The following PTPRD variants were observed in gnomAD, a reference collection of about 807,000 sequenced individuals.
The protein encoded by PTPRD is receptor-type tyrosine-protein phosphatase delta.
PTPRD carries 34 observed loss-of-function variants against 214.5 expected under a neutral mutation model. The observed-to-expected ratio is 0.16, with a 90% CI of 0.12 to 0.21. The LOEUF is 0.21. Among genes scored for constraint, PTPRD ranks in the 10% least tolerant of loss-of-function variants. PTPRD has a pLI of 1.00. For missense variants in PTPRD, 2,545 were observed against 2,398.7 expected, an observed-to-expected ratio of 1.06 and a Z score of -1.27; for synonymous variants, 1,128 against 845.7, an observed-to-expected ratio of 1.33 and a Z score of -5.79.
chr9:9,625,430 G>A (rs2095391540), intron 7 of PTPRD, among the ~76,000 whole-genome samples: 1 of 152,158 alleles, frequency 6.6e-6, no homozygotes, highest in African/African-American at 2.4e-5. Context: ...AATAGCACCA[G>A]CGTCTGGGAG....
chr9:9,079,893 A>G (rs2099756574), intron 10 of PTPRD, among the ~76,000 whole-genome samples: 1 of 152,020 alleles, frequency 6.6e-6, no homozygotes, highest in Non-Finnish European at 1.5e-5. Context: ...ATTGGTGATG[A>G]TGTGTTGCTG....
intron 3 of PTPRD, among the ~76,000 whole-genome samples, chr9:10,314,469 G>A (rs1333810547): frequency 6.6e-6 from 1 of 151,916 alleles, no homozygotes; most frequent in Non-Finnish European, 1.5e-5. Flanking sequence ...TCCTGAGTAG[G>A]CAGTGGACGA....
chr9:9,947,305 T>TTA (rs1398036436), intron 4 of PTPRD, among the ~76,000 whole-genome samples: 1,710 of 81,534 alleles, frequency 0.021, 112 homozygotes, highest in African/African-American at 0.092. Flanking sequence ...TATATATATT[T>TTA]TATATATATA....
At chr9:8,758,660 T>C (rs1344512830) in intron 11 of PTPRD, among the ~76,000 whole-genome samples, 1 of 152,150 alleles carries the variant, frequency 6.6e-6, no homozygotes, top group South Asian at 2.1e-4. Flanking sequence ...GACTTAATTG[T>C]CAATATTTAT....
In PTPRD at chr9:10,183,389, C is replaced by T. The variant is rs193148397; in HGVS notation, c.-544-149599G>A. Among the ~76,000 whole-genome samples, 54 of 152,130 alleles carry T rather than the reference C, an allele frequency of 3.5e-4. 1 individual carries two copies. The highest frequency in any genetic ancestry group is 3.5e-3 in the East Asian group (18 of 5,178). On this transcript the variant is annotated intron_variant, in intron 3 of 45. Coordinates refer to ENST00000381196, the MANE Select transcript of PTPRD (RefSeq NM_002839.4). ...ATCAATTTATATTTATAATCCTTTG[C>T]GCAAAGGAAGTGCTTAAGGAATGTA...
At chr9:10,390,335 T>C (rs2098032729) in intron 2 of PTPRD, among the ~76,000 whole-genome samples, 1 of 151,804 alleles carries the variant, frequency 6.6e-6, no homozygotes, top group South Asian at 2.1e-4. Context: ...ACAGACATAA[T>C]TTAAAATCCA....
rs149319750 is a variant in PTPRD at position 9,820,110 on chromosome 9, G to A, written c.-367-53259C>T. On this transcript the variant is annotated intron_variant, in intron 5 of 45. Transcript: ENST00000381196. ...AGTAATTTATATTCTTACCAACAGT[G>A]TATAAGCATTCCCTTGAAACCACAC... is the stretch of plus-strand genomic sequence containing the variant. Among the ~76,000 whole-genome samples the A allele has an allele frequency of 8.5e-4, 129 of 152,248 alleles. 1 individual carries two copies. Among genetic ancestry groups the A allele is most frequent in the Middle Eastern group, 3.4e-3 (1 of 294 alleles).
chr9:9,379,349 T>G (rs1351303338), intron 9 of PTPRD, among the ~76,000 whole-genome samples: 1 of 151,560 alleles, frequency 6.6e-6, no homozygotes, highest in African/African-American at 2.4e-5. Flanking sequence ...TTAATTGTAT[T>G]TATGTGGGTC....
At chr9:9,381,970 G>T (rs553201057) in intron 9 of PTPRD, among the ~76,000 whole-genome samples, 1 of 151,536 alleles carries the variant, frequency 6.6e-6, no homozygotes, top group Admixed American at 6.6e-5. Context: ...ACTATAGGTA[G>T]TATGCACATT....
At chr9:9,742,933 G>C (rs1370200618) in intron 6 of PTPRD, among the ~76,000 whole-genome samples, 1 of 152,126 alleles carries the variant, frequency 6.6e-6, no homozygotes, top group Admixed American at 6.5e-5. Flanking sequence ...CAATTATACT[G>C]TTACTATCCT....
At chr9:8,322,983 C>T (rs542126855) in intron 44 of PTPRD, among the ~76,000 whole-genome samples, 2 of 152,116 alleles carry the variant, frequency 1.3e-5, no homozygotes, top group Non-Finnish European at 2.9e-5. Flanking sequence ...AGTTATACAT[C>T]TCTCATTTTA....
chr9:8,356,392 A>C (rs2077006888), intron 39 of PTPRD, among the ~76,000 whole-genome samples: 1 of 152,232 alleles, frequency 6.6e-6, no homozygotes, highest in African/African-American at 2.4e-5. Context: ...GGCACAGCAA[A>C]ATAGTTTGAA....
chr9:8,555,563 G>C (rs2083469748), intron 14 of PTPRD, among the ~76,000 whole-genome samples: 1 of 152,204 alleles, frequency 6.6e-6, no homozygotes, highest in South Asian at 2.1e-4. Flanking sequence ...GTTTCTCAGA[G>C]GAACACAGTC....
intron 39 of PTPRD, among the ~76,000 whole-genome samples, chr9:8,342,448 G>T (rs184444614): frequency 1.3e-5 from 2 of 151,972 alleles, no homozygotes; most frequent in African/African-American, 4.8e-5. Context: ...GCTAAACCTC[G>T]CATGCTTCCT....
At chr9:10,487,932 G>C (rs182393861) in intron 2 of PTPRD, among the ~76,000 whole-genome samples, 56 of 143,822 alleles carry the variant, frequency 3.9e-4, no homozygotes, top group African/African-American at 1.4e-3. Flanking sequence ...AGAGACTCTT[G>C]TTCTCTTCCC....
intron 2 of PTPRD, among the ~76,000 whole-genome samples, chr9:10,443,121 T>C (rs2098772489): frequency 1.3e-5 from 2 of 150,862 alleles, no homozygotes; most frequent in African/African-American, 4.9e-5. Context: ...ATGGTGTTTG[T>C]GTTTTTTTAT....
intron 6 of PTPRD, among the ~76,000 whole-genome samples, chr9:9,750,682 TAAG>T (rs2098508616): frequency 6.6e-6 from 1 of 152,102 alleles, no homozygotes; most frequent in Non-Finnish European, 1.5e-5. Context: ...TAACAAAACA[TAAG>T]AAATCTTAAA....
At chr9:9,421,393 T>C (rs888878085) in intron 8 of PTPRD, among the ~76,000 whole-genome samples, 2 of 152,068 alleles carry the variant, frequency 1.3e-5, no homozygotes, top group Non-Finnish European at 2.9e-5. Flanking sequence ...TCTCCCTATT[T>C]CTTAGGAATC....
intron 4 of PTPRD, among the ~76,000 whole-genome samples, chr9:9,973,166 A>G (rs961130976): frequency 6.6e-6 from 1 of 152,082 alleles, no homozygotes; most frequent in Middle Eastern, 3.2e-3. Flanking sequence ...AACTAAGTTA[A>G]AAATTAGCAG....
Sources: gnomAD v4.1 joint callset for allele counts (sites outside exome capture counted in the v4.1 genomes callset) on GRCh38, gnomAD v4.1.1 for gene constraint, MANE v1.5 for transcripts, NCBI Gene and HGNC (gene_info 2026-07-23, HGNC 2026-07-21) for gene names.